Variants in CCDC102B observed in about 807,000 individuals in gnomAD.
CCDC102B encodes the protein coiled-coil domain-containing protein 102B.
In CCDC102B, 75 loss-of-function variants were observed where a neutral mutation model predicts 57.4. That is an observed-to-expected ratio of 1.31 (90% confidence interval 1.08 to 1.58). The LOEUF (loss-of-function observed/expected upper bound fraction) is 1.58, where lower values mean the gene tolerates loss of function less well. CCDC102B is among the 40% of genes most tolerant of loss of function. CCDC102B has a pLI of 0.00. For missense variants in CCDC102B, 636 were observed against 582.6 expected, an observed-to-expected ratio of 1.09 and a Z score of -0.94; for synonymous variants, 206 against 201.9, an observed-to-expected ratio of 1.02 and a Z score of -0.17.
chr18:68,882,648 C>T (rs1054359340), intron 5 of CCDC102B, among the ~76,000 whole-genome samples: 1 of 152,154 alleles, frequency 6.6e-6, no homozygotes, highest in Non-Finnish European at 1.5e-5. Flanking sequence ...TTCTCACTAC[C>T]TAGTATATAG....
chr18:68,790,604 C>T (rs1274575953), intron 2 of CCDC102B, among the ~76,000 whole-genome samples: 34 of 152,224 alleles, frequency 2.2e-4, no homozygotes, highest in Non-Finnish European at 4.4e-5. Flanking sequence ...AGGTGCTGTC[C>T]CTCACCCCTT....
At chr18:68,877,473 T>A (rs2039494101) in intron 5 of CCDC102B, among the ~76,000 whole-genome samples, 1 of 152,214 alleles carries the variant, frequency 6.6e-6, no homozygotes, top group Non-Finnish European at 1.5e-5. Context: ...TTGTGTACAA[T>A]TCTTCTAAGA....
chr18:68,954,867 G>A (rs1449865352), intron 6 of CCDC102B, among the ~76,000 whole-genome samples: 3 of 152,078 alleles, frequency 2.0e-5, no homozygotes, highest in Non-Finnish European at 4.4e-5. Flanking sequence ...AATTACTTAT[G>A]TACTTTTCAA....
chr18:68,880,407 C>T (rs927831346), intron 5 of CCDC102B, among the ~76,000 whole-genome samples: 2 of 152,156 alleles, frequency 1.3e-5, no homozygotes, highest in Non-Finnish European at 2.9e-5. Flanking sequence ...CTGAGGGAGC[C>T]GGCTCCAGCC....
At chr18:68,749,822 A>C (rs1040408896) in intron 2 of CCDC102B, among the ~76,000 whole-genome samples, 1 of 152,144 alleles carries the variant, frequency 6.6e-6, no homozygotes, top group Non-Finnish European at 1.5e-5. Context: ...AAAACCATAA[A>C]AACCCTAGAA....
intron 2 of CCDC102B, chr18:68,753,951 T>G (rs2033954786): frequency 6.6e-6 from 1 of 152,170 alleles, no homozygotes. Flanking sequence ...TAAAAATGAT[T>G]CAAATATTCT....
At chr18:68,725,154 T>C (rs1174645062) in intron 2 of CCDC102B, among the ~76,000 whole-genome samples, 2 of 152,174 alleles carry the variant, frequency 1.3e-5, no homozygotes, top group African/African-American at 4.8e-5. Flanking sequence ...GCTTTCATGA[T>C]TCAGTTATCT....
At chr18:68,823,012 G>T (rs575679003) in intron 1 of CCDC102B, among the ~76,000 whole-genome samples, 1 of 152,104 alleles carries the variant, frequency 6.6e-6, no homozygotes, top group Non-Finnish European at 1.5e-5. Flanking sequence ...AGCACAAATG[G>T]GAAGTACCTC....
In CCDC102B at chr18:68,998,964, C is replaced by T. The variant is rs1599822751; in HGVS notation, c.1264-11970C>T. Among the ~76,000 whole-genome samples, 3 of 113,772 alleles carry T rather than the reference C, an allele frequency of 2.6e-5. No individual in the cohort carries two copies. The East Asian group carries it at 7.8e-4, about 30-fold the overall frequency. The allele number at this position is 113,772 out of a possible 152,430, so 74.6% of individuals were successfully genotyped here. A position where few individuals can be genotyped will look rare whatever the true frequency, so the allele number is the denominator to read the frequency against. On this transcript the variant is annotated intron_variant, in intron 6 of 7. Coordinates refer to ENST00000360242, the MANE Select transcript of CCDC102B (RefSeq NM_024781.3). The stretch of plus-strand genomic sequence containing the variant: ...CACTCAATGTTAATAATCACATAAT[C>T]ATCATATATATATATATATATATAT...
intron 6 of CCDC102B, among the ~76,000 whole-genome samples, chr18:68,939,908 T>C (rs757785136): frequency 6.6e-6 from 1 of 151,838 alleles, no homozygotes; most frequent in Non-Finnish European, 1.5e-5. Context: ...TTTGAACATA[T>C]GGGCTTGTCA....
intron 6 of CCDC102B, among the ~76,000 whole-genome samples, chr18:68,914,006 A>G (rs1356867532): frequency 6.6e-6 from 1 of 152,234 alleles, no homozygotes; most frequent in African/African-American, 2.4e-5. Context: ...ACCCAGGAGC[A>G]CATATATTTT....
chr18:68,931,778 T>C (rs1187873112), intron 6 of CCDC102B, among the ~76,000 whole-genome samples: 2 of 151,844 alleles, frequency 1.3e-5, no homozygotes, highest in African/African-American at 4.8e-5. Flanking sequence ...AGCCTGGAAG[T>C]GGCAGGTACC....
chr18:68,904,646 A>G (rs548265274), intron 6 of CCDC102B, among the ~76,000 whole-genome samples: 25 of 152,124 alleles, frequency 1.6e-4, no homozygotes, highest in Non-Finnish European at 3.1e-4. Flanking sequence ...TATGACATTT[A>G]CCCTAATGTA....
At chr18:68,956,800 C>T (rs7238766) in intron 6 of CCDC102B, among the ~76,000 whole-genome samples, 6,567 of 149,986 alleles carry the variant, frequency 0.044, 306 homozygotes, top group African/African-American at 0.12. Context: ...TATTGCCTGT[C>T]TTTTGGATAA....
rs147488313 is a variant in CCDC102B at position 68,976,989 on chromosome 18, C to T, written c.1264-33945C>T. On this transcript the variant is annotated intron_variant, in intron 6 of 7. Transcript: ENST00000360242. ...AGGAATATCCCAACACTATGCATATCGTCTTTTAAAAGGCTTTCTTTGTTT... is the reference window on the plus strand; with the variant it reads ...AGGAATATCCCAACACTATGCATATTGTCTTTTAAAAGGCTTTCTTTGTTT... Among the ~76,000 whole-genome samples, 7 of 152,064 alleles carry T rather than the reference C, an allele frequency of 4.6e-5. No homozygotes were observed. The East Asian group carries it at 1.2e-3, about 25-fold the overall frequency.
intron 7 of CCDC102B, among the ~76,000 whole-genome samples, chr18:69,022,273 A>T (rs2051864828): frequency 2.0e-5 from 3 of 151,082 alleles, no homozygotes; most frequent in Admixed American, 2.0e-4. Flanking sequence ...TATATGGGCC[A>T]CACACATATA....
At chr18:68,932,258 C>T (rs544101798) in intron 6 of CCDC102B, among the ~76,000 whole-genome samples, 27 of 151,530 alleles carry the variant, frequency 1.8e-4, no homozygotes, top group East Asian at 7.8e-4. Context: ...TCCACTATTT[C>T]GGCATTAAAT....
chr18:68,935,639 G>C (rs2049212634), intron 6 of CCDC102B, among the ~76,000 whole-genome samples: 1 of 151,914 alleles, frequency 6.6e-6, no homozygotes, highest in South Asian at 2.1e-4. Context: ...TGTGAAACGG[G>C]AAGAAATACC....
intron 2 of CCDC102B, among the ~76,000 whole-genome samples, chr18:68,784,667 A>C (rs114924893): frequency 6.6e-6 from 1 of 152,178 alleles, no homozygotes; most frequent in African/African-American, 2.4e-5. Context: ...GAAAAGTAAT[A>C]ATTTTCTACA....
Sources: gnomAD v4.1 joint callset for allele counts (sites outside exome capture counted in the v4.1 genomes callset) on GRCh38, gnomAD v4.1.1 for gene constraint, MANE v1.5 for transcripts, NCBI Gene and HGNC (gene_info 2026-07-23, HGNC 2026-07-21) for gene names.